GPC6: variants seen among roughly 807,000 people sequenced by gnomAD.
GPC6 encodes the protein glypican 6, also known as glypican-6.
A neutral mutation model predicts 55.2 loss-of-function variants in GPC6; 14 were observed. That is an observed-to-expected ratio of 0.25 (90% CI 0.17 to 0.40). The LOEUF (loss-of-function observed/expected upper bound fraction) is 0.40, where lower values mean the gene tolerates loss of function less well. Ranked by LOEUF, GPC6 falls within the 10% of genes least tolerant of loss-of-function variation. The pLI is 1.00. For synonymous variants in GPC6, 278 were observed against 259.6 expected, an observed-to-expected ratio of 1.07 and a Z score of -0.68; for missense variants, 641 against 708.5, an observed-to-expected ratio of 0.90 and a Z score of 1.08.
intron 6 of GPC6, chr13:94,306,396 T>G: frequency 2.1e-6 from 1 of 485,152 alleles, no homozygotes. Context: ...GAAATATTAA[T>G]TTGAAAACTA....
At chr13:94,314,188 C>T (rs971306040) in intron 6 of GPC6, among the ~76,000 whole-genome samples, 3 of 152,128 alleles carry the variant, frequency 2.0e-5, no homozygotes, top group Admixed American at 2.0e-4. Flanking sequence ...AGTATAGAGG[C>T]TCATGGAATA....
intron 1 of GPC6, chr13:93,395,316 G>A: frequency 2.1e-6 from 1 of 478,118 alleles, no homozygotes; most frequent in Non-Finnish European, 4.0e-6. Flanking sequence ...GCCATCTCTT[G>A]CTTTGACAGG....
At chr13:93,539,352 C>T (rs1011326676) in intron 1 of GPC6, among the ~76,000 whole-genome samples, 2 of 152,134 alleles carry the variant, frequency 1.3e-5, no homozygotes, top group East Asian at 1.9e-4. Flanking sequence ...GAAATCATCA[C>T]GTGAAAGATG....
chr13:94,390,442 G>C (rs916503778), intron 7 of GPC6, among the ~76,000 whole-genome samples: 1 of 152,142 alleles, frequency 6.6e-6, no homozygotes, highest in African/African-American at 2.4e-5. Flanking sequence ...CAGTTCCACA[G>C]GCTGTATAGG....
At chr13:93,927,497 A>G (rs1329887088) in intron 3 of GPC6, among the ~76,000 whole-genome samples, 1 of 152,116 alleles carries the variant, frequency 6.6e-6, no homozygotes, top group Non-Finnish European at 1.5e-5. Flanking sequence ...ACGTTCCTAT[A>G]GTGGTTTGCT....
chr13:94,179,084 G>A (rs563673660), intron 4 of GPC6, among the ~76,000 whole-genome samples: 48 of 152,078 alleles, frequency 3.2e-4, no homozygotes, highest in Non-Finnish European at 5.1e-4. Flanking sequence ...AGATCGTCTC[G>A]TTTCTGTGGA....
At chr13:93,695,359 T>C (rs1882415268) in intron 2 of GPC6, among the ~76,000 whole-genome samples, 1 of 151,944 alleles carries the variant, frequency 6.6e-6, no homozygotes, top group Non-Finnish European at 1.5e-5. Context: ...TAACATTCAA[T>C]AAAAAGCACT....
At chr13:93,424,343 G>A (rs920358354) in intron 1 of GPC6, among the ~76,000 whole-genome samples, 5 of 152,124 alleles carry the variant, frequency 3.3e-5, no homozygotes, top group African/African-American at 9.7e-5. Context: ...TAGGGTTAGG[G>A]CATAATCTTA....
At chr13:93,310,588 C>G (rs556107689) in intron 1 of GPC6, among the ~76,000 whole-genome samples, 11 of 152,306 alleles carry the variant, frequency 7.2e-5, no homozygotes, top group Non-Finnish European at 8.8e-5. Context: ...AAATATCCTT[C>G]AAACCAGTCC....
intron 3 of GPC6, among the ~76,000 whole-genome samples, chr13:93,917,730 C>T (rs1877360917): frequency 6.6e-6 from 1 of 152,092 alleles, no homozygotes; most frequent in South Asian, 2.1e-4. Context: ...TGGGTGCGAC[C>T]CCAGCCACAT....
intron 2 of GPC6, among the ~76,000 whole-genome samples, chr13:93,788,150 G>A (rs1249073304): frequency 1.3e-5 from 2 of 152,284 alleles, no homozygotes; most frequent in South Asian, 2.1e-4. Context: ...CAGTTCTAGA[G>A]GGTGGGAAGT....
chr13:93,985,449 A>G (rs1324649647), intron 3 of GPC6, among the ~76,000 whole-genome samples: 1 of 151,970 alleles, frequency 6.6e-6, no homozygotes, highest in African/African-American at 2.4e-5. Context: ...AAGAAAAGAA[A>G]AGGAAAGAGA....
chr13:93,866,434 C>T (rs572465512), intron 3 of GPC6, among the ~76,000 whole-genome samples: 21 of 151,798 alleles, frequency 1.4e-4, no homozygotes, highest in African/African-American at 2.7e-4. Flanking sequence ...TTCACCACAA[C>T]GCCGTTCGCA....
intron 1 of GPC6, among the ~76,000 whole-genome samples, chr13:93,498,345 A>T (rs547747788): frequency 7.4e-4 from 113 of 152,218 alleles, no homozygotes; most frequent in African/African-American, 2.6e-3. Flanking sequence ...CAGTCATGAT[A>T]CCCTTTTAAT....
intron 6 of GPC6, among the ~76,000 whole-genome samples, chr13:94,375,097 C>T (rs1594218546): frequency 1.3e-5 from 2 of 149,984 alleles, no homozygotes; most frequent in African/African-American, 2.5e-5. Context: ...TAAATGCCCA[C>T]AAGAGACAGC....
At chr13:93,707,531 A>G (rs938195596) in intron 2 of GPC6, among the ~76,000 whole-genome samples, 4 of 151,718 alleles carry the variant, frequency 2.6e-5, no homozygotes, top group African/African-American at 9.7e-5. Context: ...CCTCTTAAGA[A>G]ATGAAGTAGG....
intron 4 of GPC6, among the ~76,000 whole-genome samples, chr13:94,175,986 A>AGAGAGAGCGAGAGC (rs1555304129): frequency 7.6e-6 from 1 of 131,206 alleles, no homozygotes; most frequent in Non-Finnish European, 1.6e-5. Flanking sequence ...AGAGAGAGAG[A>AGAGAGAGCGAGAGC]GAGAGAGCGA....
chr13:93,287,938 T>C (rs1441742804), intron 1 of GPC6, among the ~76,000 whole-genome samples: 1 of 152,218 alleles, frequency 6.6e-6, no homozygotes, highest in African/African-American at 2.4e-5. Context: ...AGCAAGTGGA[T>C]ATCATCAACG....
At chr13:93,676,126 A>AT (rs1381204303) in intron 2 of GPC6, among the ~76,000 whole-genome samples, 1 of 15,686 alleles carries the variant, frequency 6.4e-5, no homozygotes, top group Non-Finnish European at 2.1e-4. Context: ...AAAAAAAAAA[A>AT]ATATATATAT....
Sources: gnomAD v4.1 joint callset for allele counts (sites outside exome capture counted in the v4.1 genomes callset) on GRCh38, gnomAD v4.1.1 for gene constraint, MANE v1.5 for transcripts, NCBI Gene and HGNC (gene_info 2026-07-23, HGNC 2026-07-21) for gene names.